The following MTMR3 variants were observed in gnomAD, a reference collection of about 807,000 sequenced individuals.
MTMR3 encodes phosphatidylinositol-3,5-bisphosphate 3-phosphatase MTMR3.
Under a neutral mutation model 132.4 loss-of-function variants are expected in MTMR3, and 32 were observed. That is an observed-to-expected ratio of 0.24 (90% CI 0.18 to 0.32). The LOEUF is 0.32. MTMR3 is among the 10% of genes least tolerant of loss of function. The pLI is 1.00. For missense variants in MTMR3, 1,216 were observed against 1,489.6 expected (o/e 0.82, Z 3.02); for synonymous variants, 556 against 550.3 (o/e 1.01, Z -0.14).
chr22:29,926,407 G>A (rs1408250912), intron 1 of MTMR3, among the ~76,000 whole-genome samples: 1 of 152,162 alleles, frequency 6.6e-6, no homozygotes, highest in Non-Finnish European at 1.5e-5. Flanking sequence ...ATACCTAGGA[G>A]TGAAATGGCT....
intron 1 of MTMR3, among the ~76,000 whole-genome samples, chr22:29,911,003 T>A (rs2065200992): frequency 6.6e-6 from 1 of 152,206 alleles, no homozygotes; most frequent in African/African-American, 2.4e-5. Flanking sequence ...GTCCAACACT[T>A]AATTATACTA....
chr22:29,922,229 G>T (rs914056540), intron 1 of MTMR3, among the ~76,000 whole-genome samples: 1 of 152,072 alleles, frequency 6.6e-6, no homozygotes, highest in Non-Finnish European at 1.5e-5. Context: ...ATGTTGGCCA[G>T]GCTGGTCTCA....
At chr22:29,968,504 A>G (rs556073094) in intron 2 of MTMR3, among the ~76,000 whole-genome samples, 1 of 151,982 alleles carries the variant, frequency 6.6e-6, no homozygotes, top group Non-Finnish European at 1.5e-5. Flanking sequence ...CATACCCTCA[A>G]ATTTTCTCTG....
At chr22:29,919,066 A>C (rs1000911514) in intron 1 of MTMR3, among the ~76,000 whole-genome samples, 1 of 152,302 alleles carries the variant, frequency 6.6e-6, no homozygotes, top group East Asian at 1.9e-4. Context: ...TCTCCCTACA[A>C]GGGACATTTT....
intron 1 of MTMR3, among the ~76,000 whole-genome samples, chr22:29,895,167 C>G (rs926855114): frequency 1.3e-5 from 2 of 152,054 alleles, no homozygotes; most frequent in Non-Finnish European, 2.9e-5. Context: ...GAGATCGTGC[C>G]ACTGCACTCC....
chr22:29,981,277 A>G (rs556921001), intron 5 of MTMR3: 3 of 152,358 alleles, frequency 2.0e-5, no homozygotes, highest in African/African-American at 4.8e-5. Flanking sequence ...AGTGGGCATT[A>G]GAACCTTTTC....
intron 19 of MTMR3, chr22:30,025,255 T>C: frequency 4.7e-6 from 1 of 212,162 alleles, no homozygotes; most frequent in East Asian, 1.1e-4. Flanking sequence ...GATCACAAGC[T>C]ACACAGAGGG....
At chr22:29,961,498 G>A (rs1640715145) in intron 2 of MTMR3, among the ~76,000 whole-genome samples, 1 of 152,112 alleles carries the variant, frequency 6.6e-6, no homozygotes, top group Admixed American at 6.5e-5. Flanking sequence ...GGTAGATAAT[G>A]TGTGTCTTTG....
intron 9 of MTMR3, chr22:30,003,494 T>A (rs529129881): frequency 6.6e-6 from 1 of 152,110 alleles, no homozygotes; most frequent in East Asian, 1.9e-4. Flanking sequence ...ATCAGAGGCA[T>A]GAGAGCCATG....
At chr22:30,009,425 C>G (rs2067354631) in intron 12 of MTMR3, 1 of 290,270 alleles carries the variant, frequency 3.4e-6, no homozygotes, top group African/African-American at 2.2e-5. Flanking sequence ...ACTGTTTGTC[C>G]TGGGACCTTT....
At chr22:29,991,363 C>T (rs924890425) in intron 6 of MTMR3, 141 bp from the exon 7 acceptor site, 16 of 711,626 alleles carry the variant, frequency 2.2e-5, no homozygotes, top group East Asian at 6.0e-5. Flanking sequence ...AATGAGCATG[C>T]GAATGACTGA....
chr22:29,962,497 C>G (rs1411172780), intron 2 of MTMR3, among the ~76,000 whole-genome samples: 1 of 151,968 alleles, frequency 6.6e-6, no homozygotes, highest in Non-Finnish European at 1.5e-5. Context: ...TGTGAGCCTC[C>G]CCTTTTCCCC....
chr22:30,012,582 G>A lies in MTMR3; in HGVS notation c.1317+19G>A. 1.3e-6 allele frequency: 2 copies of A among 1,582,666 alleles called. No homozygotes were observed. The highest frequency in any genetic ancestry group is 2.3e-5 in the South Asian group (2 of 87,228). The stretch of plus-strand genomic sequence containing the variant: ...CATAGAGGTGAGCCCATCCAAATGG[G>A]AGGGGTTGGTACTTCAGGATGAGCC... On this transcript the variant is annotated intron_variant, in intron 13 of 19. Transcript: ENST00000401950.
At chr22:29,927,852 CT>C (rs552410780) in intron 1 of MTMR3, among the ~76,000 whole-genome samples, 415 of 151,036 alleles carry the variant, frequency 2.7e-3, no homozygotes, top group African/African-American at 9.5e-3. Flanking sequence ...TTTAAAATAC[CT>C]TTTTCTTTTT....
At chr22:30,008,873 C>CTAATA (rs1490882730) in intron 11 of MTMR3, 145 bp from the exon 12 acceptor site, 17 of 591,324 alleles carry the variant, frequency 2.9e-5, no homozygotes, top group African/African-American at 9.3e-5. Context: ...AAGGATTGGG[C>CTAATA]TAATAGTTAA....
chr22:30,009,934 T>C (rs974815710), intron 12 of MTMR3: 5 of 152,262 alleles, frequency 3.3e-5, no homozygotes, highest in Non-Finnish European at 5.9e-5. Flanking sequence ...CAAGTTTTAC[T>C]GCGTTCTTTA....
intron 1 of MTMR3, among the ~76,000 whole-genome samples, chr22:29,952,685 C>T (rs925567098): frequency 6.6e-6 from 1 of 151,438 alleles, no homozygotes; most frequent in South Asian, 2.1e-4. Context: ...CCACCACTTA[C>T]CACAGTAGCT....
intron 7 of MTMR3, chr22:29,995,061 G>A (rs936241156): frequency 6.6e-6 from 1 of 152,178 alleles, no homozygotes; most frequent in African/African-American, 2.4e-5. Flanking sequence ...CAGATGACTG[G>A]GCAGCTTAGC....
At chr22:29,921,313 G>A (rs1569004970) in intron 1 of MTMR3, among the ~76,000 whole-genome samples, 1 of 152,116 alleles carries the variant, frequency 6.6e-6, no homozygotes, top group Non-Finnish European at 1.5e-5. Flanking sequence ...AACTAATAGA[G>A]CGAGAACTTG....
Sources: allele counts gnomAD v4.1 joint callset (sites outside exome capture counted in the v4.1 genomes callset), GRCh38; gene constraint gnomAD v4.1.1; transcripts MANE v1.5; gene names NCBI Gene and HGNC (gene_info 2026-07-23, HGNC 2026-07-21).